Variants in ZC3H12B observed in about 807,000 individuals in gnomAD.
ZC3H12B encodes zinc finger CCCH-type containing 12B, also known as probable ribonuclease ZC3H12B.
A neutral mutation model predicts 43.9 loss-of-function variants in ZC3H12B; 7 were observed. The ratio of observed to expected loss-of-function variants is 0.16; its 90% confidence interval spans 0.09 to 0.30. The LOEUF (loss-of-function observed/expected upper bound fraction) is 0.30. Ranked by LOEUF, ZC3H12B falls within the 10% of genes least tolerant of loss-of-function variation. The probability of loss-of-function intolerance (pLI) is 1.00; values close to 1 mark genes in which losing one functional copy is unlikely to be tolerated. For missense variants in ZC3H12B, 475 were observed against 670.2 expected (o/e 0.71, Z 3.22); for synonymous variants, 222 against 241.7 (o/e 0.92, Z 0.76).
chrX:65,163,311 G>A, the ZC3H12B span, among the ~76,000 whole-genome samples: 1 of 111,269 alleles, frequency 9.0e-6, no homozygotes, highest in Non-Finnish European at 1.9e-5. Flanking sequence ...TGTCAGACAG[G>A]GACATTTAAG....
In ZC3H12B at chrX:65,429,090, G is replaced by T. The variant is rs150789300; in HGVS notation, n.407+30386G>T. ...CTACCTGGTGGTATCACCAGTGAAG[G>T]TTGTGAAATAGCAAAGATGGCAGCC... On this transcript the variant is annotated intron_variant and non_coding_transcript_variant, in intron 3 of 5. Transcript: ENST00000617377. Among the ~76,000 whole-genome samples, 1,111 of 112,258 alleles carry T rather than the reference G, an allele frequency of 9.9e-3. 14 individuals carry two copies. Among genetic ancestry groups the T allele is most frequent in the African/African-American group, 0.034 (1,054 of 30,867 alleles).
chrX:65,135,393 T>C, the ZC3H12B span, among the ~76,000 whole-genome samples: 1 of 110,781 alleles, frequency 9.0e-6, no homozygotes, highest in Non-Finnish European at 1.9e-5. Flanking sequence ...TTTTTTTAAA[T>C]TTCTTTTCTG....
At chrX:65,456,551 G>T (rs2148163650) in intron 3 of ZC3H12B, among the ~76,000 whole-genome samples, 1 of 105,008 alleles carries the variant, frequency 9.5e-6, no homozygotes, top group Non-Finnish European at 2.0e-5. Flanking sequence ...TGATTCTCCT[G>T]CCTCAGCCTG....
chrX:65,298,120 A>T, the ZC3H12B span, among the ~76,000 whole-genome samples: 1 of 112,228 alleles, frequency 8.9e-6, no homozygotes, highest in Non-Finnish European at 1.9e-5. Context: ...ACCCAAAAGC[A>T]AATGCAACAA....
chrX:65,273,997 G>C, the ZC3H12B span, among the ~76,000 whole-genome samples: 1 of 112,114 alleles, frequency 8.9e-6, no homozygotes, highest in Non-Finnish European at 1.9e-5. Context: ...GATTGTTGGA[G>C]TGTAGCAGGA....
the ZC3H12B span, among the ~76,000 whole-genome samples, chrX:65,096,331 TAACA>T: frequency 4.5e-5 from 5 of 111,073 alleles, no homozygotes; most frequent in Non-Finnish European, 9.4e-5. Flanking sequence ...TTTACCTATG[TAACA>T]AACCTGCACG....
the ZC3H12B span, among the ~76,000 whole-genome samples, chrX:65,211,844 AAT>A: frequency 2.1e-4 from 17 of 79,514 alleles, no homozygotes; most frequent in Non-Finnish European, 3.5e-4. Context: ...TATAATATAT[AAT>A]ATATGTTATG....
At chrX:65,212,125 A>ATT in the ZC3H12B span, among the ~76,000 whole-genome samples, 1 of 57,588 alleles carries the variant, frequency 1.7e-5, no homozygotes, top group Admixed American at 3.5e-4. Context: ...TATAGTATAT[A>ATT]ATATACTATA....
chrX:65,428,098 T>A, intron 3 of ZC3H12B, among the ~76,000 whole-genome samples: 1 of 112,318 alleles, frequency 8.9e-6, no homozygotes, highest in East Asian at 2.8e-4. Context: ...CTACAATCTC[T>A]CCTGGCTTGT....
the ZC3H12B span, among the ~76,000 whole-genome samples, chrX:65,145,623 A>T: frequency 9.0e-6 from 1 of 111,278 alleles, no homozygotes; most frequent in East Asian, 2.8e-4. Context: ...TTCTGTTTTG[A>T]TGTGTTTCCA....
chrX:65,097,562 C>G, the ZC3H12B span, among the ~76,000 whole-genome samples: 1 of 111,709 alleles, frequency 9.0e-6, no homozygotes, highest in African/African-American at 3.2e-5. Flanking sequence ...TGTAATGTAT[C>G]TGGTCCTGGA....
the ZC3H12B span, among the ~76,000 whole-genome samples, chrX:65,299,006 C>G: frequency 9.0e-6 from 1 of 111,592 alleles, no homozygotes; most frequent in African/African-American, 3.3e-5. Flanking sequence ...TTACCTCTAC[C>G]TGGTCTCTCC....
the ZC3H12B span, among the ~76,000 whole-genome samples, chrX:65,165,256 T>G: frequency 2.7e-3 from 302 of 112,294 alleles, no homozygotes; most frequent in Middle Eastern, 9.2e-3. Flanking sequence ...CCAGTTTTAC[T>G]TTTTAAATTT....
At chrX:65,164,170 T>C in the ZC3H12B span, among the ~76,000 whole-genome samples, 3 of 110,310 alleles carry the variant, frequency 2.7e-5, no homozygotes, top group South Asian at 1.1e-3. Context: ...GAGGCTAGGG[T>C]TTTTCAAGGA....
At chrX:65,186,875 T>C in the ZC3H12B span, among the ~76,000 whole-genome samples, 1 of 112,242 alleles carries the variant, frequency 8.9e-6, no homozygotes. Flanking sequence ...CATTCCTTTA[T>C]ATTGCTGAGT....
the ZC3H12B span, among the ~76,000 whole-genome samples, chrX:65,166,420 A>T: frequency 8.9e-6 from 1 of 111,809 alleles, no homozygotes; most frequent in Non-Finnish European, 1.9e-5. Context: ...TATATGTGCC[A>T]CATTTTCTTA....
the ZC3H12B span, among the ~76,000 whole-genome samples, chrX:65,292,804 G>A: frequency 3.6e-5 from 4 of 110,483 alleles, no homozygotes; most frequent in East Asian, 1.1e-3. Flanking sequence ...GAGCAACATA[G>A]CAAGACTTTG....
the ZC3H12B span, among the ~76,000 whole-genome samples, chrX:65,240,204 G>T: frequency 9.0e-6 from 1 of 111,654 alleles, no homozygotes; most frequent in African/African-American, 3.3e-5. Context: ...TCTCTTTCAT[G>T]TACCACAATC....
chrX:65,325,935 C>T, the ZC3H12B span, among the ~76,000 whole-genome samples: 6 of 111,233 alleles, frequency 5.4e-5, no homozygotes, highest in Non-Finnish European at 7.6e-5. Flanking sequence ...ACAAAGGTTT[C>T]GAGTATGTAC....
Sources: allele counts gnomAD v4.1 joint callset (sites outside exome capture counted in the v4.1 genomes callset), GRCh38; gene constraint gnomAD v4.1.1; transcripts MANE v1.5; gene names NCBI Gene and HGNC (gene_info 2026-07-23, HGNC 2026-07-21).